Variants in PPL observed in about 807,000 individuals in gnomAD.
PPL encodes 190 kDa paraneoplastic pemphigus antigen.
PPL carries 198 observed loss-of-function variants against 194.4 expected under a neutral mutation model. The ratio of observed to expected loss-of-function variants is 1.02; its 90% CI spans 0.91 to 1.15. PPL has a LOEUF of 1.15. Ranked by LOEUF, PPL falls within the 50% of genes most tolerant of loss-of-function variation. The pLI, the probability that PPL is intolerant of heterozygous loss-of-function variation, is 0.00. For missense variants in PPL, 2,885 were observed against 2,294.8 expected (o/e 1.26, Z -5.25); for synonymous variants, 1,220 against 972.4 (o/e 1.25, Z -4.74).
Position 4,903,964 on chromosome 16 carries a change from T to C in PPL, c.239A>G (p.Lys80Arg). The C allele has an allele frequency of 6.2e-7, 1 of 1,614,012 alleles. No individual in the cohort carries two copies. The highest frequency in any genetic ancestry group is 8.5e-7 in the Non-Finnish European group (1 of 1,180,042). The change falls in exon 3 of 22, where the codon AAG becomes AGG. Residue 80 changes from lysine to arginine, a missense_variant. Coordinates refer to ENST00000345988, the MANE Select transcript of PPL (RefSeq NM_002705.5). The stretch of plus-strand genomic sequence containing the variant: ...ATCCGCCTCTAGCACATAGAGCAGC[T>C]TCTCAGAGTCCAACACCTTCTGCAG... ...VTLQKVLDSE[K>R]LLYVLEADAA...
chr16:4,905,120 G>T (rs2088656650), intron 2 of PPL, among the ~76,000 whole-genome samples: 1 of 152,178 alleles, frequency 6.6e-6, no homozygotes, highest in Non-Finnish European at 1.5e-5. Flanking sequence ...TGAGGGGAAT[G>T]AGTGCAGGTT....
Position 4,902,273 on chromosome 16 carries a change from G to T in PPL, c.438+133C>A. ...CCTCACTCTTCTCATGGGCACACTG[G>T]AAAACCATCAGGACCACGACTGTCT... On this transcript the variant is annotated intron_variant, in intron 4 of 21. Transcript: ENST00000345988. This position sits in a 1 kb window ranked among gnomAD's most constrained non-coding sequence, Gnocchi z 4.0. 2 of 1,412,446 alleles carry T rather than the reference G, an allele frequency of 1.4e-6. No individual in the cohort carries two copies. Among genetic ancestry groups the T allele is most frequent in the South Asian group, 1.4e-5 (1 of 70,796 alleles). The allele number at this position is 1,412,446 out of a possible 1,614,324, so 87.5% of individuals were successfully genotyped here.
At chr16:4,892,303 C>T in intron 14 of PPL, 90 bp from the exon 15 acceptor site, 1 of 1,400,186 alleles carries the variant, frequency 7.1e-7, no homozygotes, top group Non-Finnish European at 9.7e-7. Context: ...ATTCCCACAT[C>T]AGGCACAGTG....
intron 1 of PPL, among the ~76,000 whole-genome samples, chr16:4,911,956 C>G (rs911336746): frequency 1.3e-5 from 2 of 152,206 alleles, no homozygotes; most frequent in African/African-American, 2.4e-5. Flanking sequence ...CCTACCTCCA[C>G]CTCCTGAGTA....
At chr16:4,888,635 A>G (rs546609839) in intron 19 of PPL, 2 of 341,764 alleles carry the variant, frequency 5.9e-6, no homozygotes, top group Non-Finnish European at 1.1e-5. Flanking sequence ...TTCCCCTTCC[A>G]CTGGACACCA....
chr16:4,894,660 T>C, intron 11 of PPL, 42 bp from the exon 12 acceptor site: 3 of 1,596,422 alleles, frequency 1.9e-6, no homozygotes, highest in Non-Finnish European at 1.7e-6. Flanking sequence ...CGGCAGGGCC[T>C]GAGGGCCTGG....
rs771130461 is a variant in PPL, at chr16:4,885,036, C to T, written c.3619G>A (p.Glu1207Lys). The T allele has an allele frequency of 1.2e-6, 2 of 1,613,736 alleles. No homozygotes were observed. The highest frequency in any genetic ancestry group is 8.5e-7 in the Non-Finnish European group (1 of 1,180,048). ...EQERKYRGAE[E>K]QLRSYQSELE... ...TCACTCTGGTAGCTCCGGAGCTGCT[C>T]CTCGGCACCCCGGTACTTTCGCTCC... is the stretch of plus-strand genomic sequence containing the variant. The change falls in exon 22 of 22, where the codon GAG becomes AAG. Residue 1207 changes from glutamate to lysine, a missense_variant. Physicochemically the swap from Glu to Lys is moderately conservative, Grantham distance 56. Coordinates refer to ENST00000345988, the MANE Select transcript of PPL (RefSeq NM_002705.5). This position sits in a 1 kb window ranked among gnomAD's most constrained non-coding sequence, Gnocchi z 6.3.
At chr16:4,933,655 C>T (rs1343371539) in intron 1 of PPL, among the ~76,000 whole-genome samples, 4 of 152,160 alleles carry the variant, frequency 2.6e-5, no homozygotes, top group African/African-American at 9.7e-5. Flanking sequence ...TCCATTGCTC[C>T]TGCCTGGCCC....
At chr16:4,892,279 C>T in intron 14 of PPL, 66 bp from the exon 15 acceptor site, 1 of 1,523,476 alleles carries the variant, frequency 6.6e-7, no homozygotes, top group Admixed American at 1.8e-5. Flanking sequence ...AGGATGTGCC[C>T]AGGGTGAGCA....
rs113600387 is a variant in PPL, at chr16:4,907,896, C to A, written c.162+2954G>T. Among the ~76,000 whole-genome samples, 1,053 of 152,100 alleles carry A rather than the reference C, an allele frequency of 6.9e-3. 5 individuals are homozygous for A. The highest frequency in any genetic ancestry group is 0.024 in the Middle Eastern group (7 of 294). The stretch of plus-strand genomic sequence containing the variant: ...ATAGGCCGGGTGCAGTGGCTCACAC[C>A]TGTAATCCCAGCACTTTGGGAGGCC... On this transcript the variant is annotated intron_variant, in intron 2 of 21. Coordinates refer to ENST00000345988, the MANE Select transcript of PPL (RefSeq NM_002705.5).
intron 1 of PPL, among the ~76,000 whole-genome samples, chr16:4,926,994 T>A (rs1470605485): frequency 2.0e-5 from 3 of 148,810 alleles, no homozygotes; most frequent in Non-Finnish European, 4.4e-5. Flanking sequence ...ATGATGAAAA[T>A]ATACTCAATC....
At chr16:4,896,214 G>A (rs2088424571) in intron 9 of PPL, among the ~76,000 whole-genome samples, 1 of 152,176 alleles carries the variant, frequency 6.6e-6, no homozygotes, top group Admixed American at 6.5e-5. Context: ...CCCACTGTGC[G>A]GCTCAGACAG....
At chr16:4,889,486 T>G (rs2088281512) in intron 18 of PPL, among the ~76,000 whole-genome samples, 1 of 151,870 alleles carries the variant, frequency 6.6e-6, no homozygotes, top group East Asian at 1.9e-4. Context: ...CTTGAACTCC[T>G]GAACTTGTGA....
At position 4,901,054 on chromosome 16, in the gene PPL, C is replaced by G; in HGVS notation, c.474G>C (p.Leu158=). The G allele has an allele frequency of 6.2e-7, 1 of 1,614,156 alleles. No individual in the cohort carries two copies. The highest frequency in any genetic ancestry group is 1.1e-5 in the South Asian group (1 of 91,078). The change falls in exon 5 of 22, where the codon CTG becomes CTC. Residue 158 remains leucine, a synonymous_variant. Coordinates refer to ENST00000345988, the MANE Select transcript of PPL (RefSeq NM_002705.5). Reference sequence around the variant, plus strand: ...CCTCCACTTGGTGGTCCACCAGCGGCAGGTCAGTCCCAAAGCTCTGGTTGT... The same window carrying G: ...CCTCCACTTGGTGGTCCACCAGCGGGAGGTCAGTCCCAAAGCTCTGGTTGT... The part of the protein sequence containing the change: ...KLNNQSFGTD[L]PLVDHQVEEH...
rs762110585 is a variant in PPL at position 4,891,830 on chromosome 16, C to G, written c.1949G>C (p.Ser650Thr). The G allele has an allele frequency of 3.1e-6, 5 of 1,612,130 alleles. No individual in the cohort carries two copies. Among genetic ancestry groups the G allele is most frequent in the Non-Finnish European group, 2.5e-6 (3 of 1,179,426 alleles). Residue 650 changes from serine to threonine, a missense_variant, in exon 16 of 22, where the codon AGC becomes ACC. By Grantham distance (58) the Ser-to-Thr change is moderately conservative. Transcript: ENST00000345988. ...ACTCACCGCCAGCTCCTGCCCCTTG[C>G]TGTCCAGGACACGGCTGCTCTCAGG... Reference protein sequence around the residue: ...TVPESSRVLDSKGQELAAMAC... With the variant: ...TVPESSRVLDTKGQELAAMAC...
Position 4,902,095 on chromosome 16 carries a change from C to T in PPL, c.438+311G>A, listed in dbSNP as rs1414357243. On this transcript the variant is annotated intron_variant, in intron 4 of 21. Transcript: ENST00000345988. The surrounding 1 kb of genome is among the most constrained non-coding windows in gnomAD (Gnocchi z 4.0). ...GCCAGAAGCCTGGCCGCTTCCGCCC[C>T]AGCCTGCCCACAAAATGTCACCAAG... is the stretch of plus-strand genomic sequence containing the variant. Among the ~76,000 whole-genome samples the T allele has an allele frequency of 6.6e-6, 1 of 152,226 alleles. No homozygotes were observed. The highest frequency in any genetic ancestry group is 1.5e-5 in the Non-Finnish European group (1 of 68,052).
Position 4,937,097 on chromosome 16 carries a change from A to G in PPL, c.-52T>C, listed in dbSNP as rs781276574. 30 of 1,191,798 alleles carry G rather than the reference A, an allele frequency of 2.5e-5. No individual in the cohort carries two copies. The South Asian group carries it at 9.1e-4, about 36-fold the overall frequency. 73.8% of individuals were successfully genotyped at this position (1,191,798 alleles called of 1,614,324 possible). On this transcript the variant is annotated 5_prime_UTR_variant, in exon 1 of 22. Coordinates refer to ENST00000345988, the MANE Select transcript of PPL (RefSeq NM_002705.5). Reference sequence around the variant, plus strand: ...CGGCTGGCGGGCCGGGCGCGCACCGAGGGGCGGGCGGGAGCGCAGGTGAGC... The same window carrying G: ...CGGCTGGCGGGCCGGGCGCGCACCGGGGGGCGGGCGGGAGCGCAGGTGAGC...
intron 2 of PPL, among the ~76,000 whole-genome samples, chr16:4,909,955 G>A (rs1596567749): frequency 1.3e-5 from 2 of 152,178 alleles, no homozygotes; most frequent in South Asian, 2.1e-4. Flanking sequence ...CCTGCAGGCC[G>A]ATGCTGGCAC....
Position 4,884,490 on chromosome 16 carries a change from G to A in PPL, c.4165C>T (p.Leu1389=), listed in dbSNP as rs775604619. 24 of 1,606,906 alleles carry A rather than the reference G, an allele frequency of 1.5e-5. No homozygotes were observed. The highest frequency in any genetic ancestry group is 2.0e-5 in the Non-Finnish European group (24 of 1,178,780). ...LRQIDKLRAE[L]RRLQRRRTEL... ...GTGCGCCGGCGCTGCAGCCGCCGCA[G>A]CTCTGCCCGCAGCTTGTCAATCTGC... Residue 1389 remains leucine (L), a synonymous_variant, in exon 22 of 22, where the codon CTG becomes TTG. Transcript: ENST00000345988. The surrounding 1 kb of genome is among the most constrained non-coding windows in gnomAD (Gnocchi z 5.7).
Sources: gnomAD v4.1 joint callset for allele counts (sites outside exome capture counted in the v4.1 genomes callset) on GRCh38, gnomAD v4.1.1 for gene constraint, Gnocchi (gnomAD v3.1) non-coding constraint, MANE v1.5 for transcripts, NCBI Gene and HGNC (gene_info 2026-07-23, HGNC 2026-07-21) for gene names.